The following TBC1D2B variants were observed in gnomAD, a reference collection of about 807,000 sequenced individuals.
TBC1D2B encodes the protein TBC1 domain family member 2B.
In TBC1D2B, 64 loss-of-function variants were observed where a neutral mutation model predicts 100.8. That is an observed-to-expected ratio of 0.64 (90% CI 0.52 to 0.78). TBC1D2B has a LOEUF of 0.78. Ranked by LOEUF, TBC1D2B falls within the 30% of genes least tolerant of loss-of-function variation. The pLI, the probability that TBC1D2B is intolerant of heterozygous loss-of-function variation, is 0.00. For synonymous variants in TBC1D2B, 480 were observed against 479.7 expected (o/e 1.00, Z -0.01); for missense variants, 1,052 against 1,218.4 (o/e 0.86, Z 2.03).
chr15:78,058,395 G>A (rs915838949), intron 1 of TBC1D2B, among the ~76,000 whole-genome samples: 2 of 152,140 alleles, frequency 1.3e-5, no homozygotes, highest in African/African-American at 4.8e-5. Context: ...CTTTAAACAG[G>A]CGCCTCCATA....
chr15:78,057,975 A>G (rs2073460921), intron 1 of TBC1D2B, among the ~76,000 whole-genome samples: 1 of 152,228 alleles, frequency 6.6e-6, no homozygotes, highest in Admixed American at 6.5e-5. Context: ...CAGCCTCTTT[A>G]TCGCCCCAGT....
chr15:78,056,404 T>C (rs2073422100), intron 1 of TBC1D2B, among the ~76,000 whole-genome samples: 1 of 152,042 alleles, frequency 6.6e-6, no homozygotes, highest in Non-Finnish European at 1.5e-5. Context: ...GTACTGCTGG[T>C]GAAAATGGTG....
intron 11 of TBC1D2B, 162 bp downstream of exon 11, chr15:78,003,143 C>A (rs2071961030): frequency 6.6e-6 from 4 of 601,554 alleles, no homozygotes; most frequent in Non-Finnish European, 1.2e-5. Flanking sequence ...CTGTGGTTTC[C>A]TGATACCCTG....
chr15:78,015,868 G>C (rs915828385), intron 8 of TBC1D2B, among the ~76,000 whole-genome samples: 4 of 152,178 alleles, frequency 2.6e-5, no homozygotes, highest in African/African-American at 9.7e-5. Context: ...AACAATGCAG[G>C]CTGGTGCTGT....
intron 9 of TBC1D2B, 59 bp downstream of exon 9, chr15:78,012,740 AGGAAGGGAGGGAGCTGCCAGGCAG>A (rs1387289399): frequency 7.4e-7 from 1 of 1,357,482 alleles, no homozygotes; most frequent in Admixed American, 2.9e-5. Flanking sequence ...TTGGCCAACC[AGGAAGGGAGGGAGCTGCCAGGCAG>A]CACCGGTGCC....
At chr15:78,072,358 T>A (rs187935958) in intron 1 of TBC1D2B, among the ~76,000 whole-genome samples, 1 of 152,276 alleles carries the variant, frequency 6.6e-6, no homozygotes, top group East Asian at 1.9e-4. Context: ...ACTTACTAAT[T>A]GGAAAGCCAT....
chr15:78,042,342 T>C (rs1179685752), intron 3 of TBC1D2B, among the ~76,000 whole-genome samples: 2 of 152,146 alleles, frequency 1.3e-5, no homozygotes, highest in Non-Finnish European at 2.9e-5. Context: ...GTTCTTATGA[T>C]GAAAGGGGGA....
intron 1 of TBC1D2B, among the ~76,000 whole-genome samples, chr15:78,065,038 A>G (rs2073629283): frequency 6.6e-6 from 1 of 152,216 alleles, no homozygotes; most frequent in African/African-American, 2.4e-5. Flanking sequence ...CCTAGAACCC[A>G]TAATCAATTT....
intron 3 of TBC1D2B, among the ~76,000 whole-genome samples, chr15:78,038,741 C>T (rs1451279075): frequency 1.3e-5 from 2 of 152,156 alleles, no homozygotes; most frequent in Admixed American, 1.3e-4. Flanking sequence ...CTGGACAAGA[C>T]ATTAAAGTTC....
At chr15:78,017,595 C>T (rs2072410441) in intron 7 of TBC1D2B, among the ~76,000 whole-genome samples, 1 of 152,174 alleles carries the variant, frequency 6.6e-6, no homozygotes, top group Non-Finnish European at 1.5e-5. Context: ...TTTTCTGTAG[C>T]TTCTCATTCT....
intron 5 of TBC1D2B, among the ~76,000 whole-genome samples, chr15:78,024,834 C>T (rs972297849): frequency 6.6e-5 from 10 of 152,180 alleles, no homozygotes; most frequent in African/African-American, 2.4e-4. Context: ...AAAACCTGTG[C>T]TCTAAGAGTC....
chr15:78,027,915 C>G (rs148519118), intron 4 of TBC1D2B, among the ~76,000 whole-genome samples: 194 of 152,228 alleles, frequency 1.3e-3, no homozygotes, highest in African/African-American at 4.5e-3. Flanking sequence ...CATTCTACAC[C>G]ATGTCACACT....
At chr15:78,038,498 G>C (rs979833575) in intron 3 of TBC1D2B, among the ~76,000 whole-genome samples, 2 of 152,202 alleles carry the variant, frequency 1.3e-5, no homozygotes, top group African/African-American at 4.8e-5. Flanking sequence ...AAATGACAGG[G>C]GTCAGACCCC....
intron 1 of TBC1D2B, among the ~76,000 whole-genome samples, chr15:78,069,864 A>G (rs2073717658): frequency 6.6e-6 from 1 of 152,198 alleles, no homozygotes; most frequent in African/African-American, 2.4e-5. Context: ...CCCTCACCAG[A>G]CACCAAATCT....
At chr15:78,077,179 C>A (rs2073842427) in intron 1 of TBC1D2B, 114 bp downstream of exon 1, 1 of 1,326,166 alleles carries the variant, frequency 7.5e-7, no homozygotes, top group Admixed American at 3.6e-5. Flanking sequence ...GGCAGGCCGA[C>A]GTGGGCAGGG....
rs535616968 is a variant in TBC1D2B, at chr15:78,051,477, G to T, written c.514+2557C>A. Among the ~76,000 whole-genome samples the T allele has an allele frequency of 1.4e-4, 21 of 152,280 alleles. No individual in the cohort carries two copies. In the South Asian group the frequency reaches 4.4e-3, roughly 32 times the overall value. On this transcript the variant is annotated intron_variant, in intron 2 of 12. Transcript: ENST00000300584. Reference sequence around the variant, plus strand: ...TCCCCAAGACTCACAGGCCCACAGGGCTTCTTCCACCAGGTAGAGCTGCCT... The same window carrying T: ...TCCCCAAGACTCACAGGCCCACAGGTCTTCTTCCACCAGGTAGAGCTGCCT...
At chr15:78,025,596 G>A (rs2072644170) in intron 4 of TBC1D2B, 99 bp from the exon 5 acceptor site, 4 of 888,704 alleles carry the variant, frequency 4.5e-6, no homozygotes, top group Non-Finnish European at 4.8e-6. Flanking sequence ...GCGCAATGTC[G>A]GCTCACTGTA....
At chr15:78,064,452 T>C (rs760773843) in intron 1 of TBC1D2B, among the ~76,000 whole-genome samples, 1 of 152,212 alleles carries the variant, frequency 6.6e-6, no homozygotes, top group Non-Finnish European at 1.5e-5. Context: ...TTAAATTACA[T>C]GGATAATTTT....
At chr15:78,000,217 C>A (rs963218442) in intron 12 of TBC1D2B, among the ~76,000 whole-genome samples, 2 of 152,254 alleles carry the variant, frequency 1.3e-5, no homozygotes, top group South Asian at 2.1e-4. Flanking sequence ...GCGAGCCACT[C>A]AGAAGGAGGC....
Sources: gnomAD v4.1 joint callset for allele counts (sites outside exome capture counted in the v4.1 genomes callset) on GRCh38, gnomAD v4.1.1 for gene constraint, MANE v1.5 for transcripts, NCBI Gene and HGNC (gene_info 2026-07-23, HGNC 2026-07-21) for gene names.